AGBL1: variants seen among roughly 807,000 people sequenced by gnomAD.
AGBL1 encodes the protein AGBL carboxypeptidase 1.
AGBL1 carries 130 observed loss-of-function variants against 118.9 expected under a neutral mutation model. The ratio of observed to expected loss-of-function variants is 1.09; its 90% confidence interval spans 0.95 to 1.26. The LOEUF (loss-of-function observed/expected upper bound fraction) is 1.26, where lower values mean the gene tolerates loss of function less well. Among genes scored for constraint, AGBL1 ranks in the 50% most tolerant of loss-of-function variants. The pLI, the probability that AGBL1 is intolerant of heterozygous loss-of-function variation, is 0.00. For missense variants in AGBL1, 1,584 were observed against 1,298.1 expected (o/e 1.22, Z -3.38); for synonymous variants, 555 against 478.9 (o/e 1.16, Z -2.08).
intron 21 of AGBL1, among the ~76,000 whole-genome samples, chr15:86,569,486 TG>T (rs1319915084): frequency 3.9e-5 from 6 of 152,330 alleles, no homozygotes; most frequent in African/African-American, 1.2e-4. Context: ...CCATTTATGT[TG>T]ACACTCTGTC....
chr15:86,096,733 C>A (rs1415475872), intron 1 of AGBL1, among the ~76,000 whole-genome samples: 1 of 152,160 alleles, frequency 6.6e-6, no homozygotes, highest in Non-Finnish European at 1.5e-5. Flanking sequence ...TGCTTCAATT[C>A]TTTCAATATC....
intron 22 of AGBL1, among the ~76,000 whole-genome samples, chr15:86,890,586 C>T (rs1157717284): frequency 1.3e-5 from 2 of 152,060 alleles, no homozygotes; most frequent in Non-Finnish European, 2.9e-5. Context: ...GGAAGAGGTC[C>T]AGTTTCAATT....
intron 1 of AGBL1, among the ~76,000 whole-genome samples, chr15:86,087,258 T>G (rs2141451426): frequency 6.6e-6 from 1 of 152,258 alleles, no homozygotes; most frequent in Non-Finnish European, 1.5e-5. Context: ...AAATAATAAC[T>G]AACATTTCTG....
chr15:86,256,485 T>C lies in AGBL1; in HGVS notation c.736-368T>C, dbSNP rs532944961. ...GTAGGCAATAATTCACAGTGACACA[T>C]GGGTGGCTGAGAAAAGACACCGGCC... On this transcript the variant is annotated intron_variant, in intron 7 of 22. Coordinates refer to ENST00000614907, the MANE Select transcript of AGBL1 (RefSeq NM_001386094.1). 2.0e-5 allele frequency among the ~76,000 whole-genome samples: 3 copies of C among 152,328 alleles called. No homozygotes were observed. The South Asian group carries it at 6.2e-4, about 32-fold the overall frequency.
chr15:86,575,323 A>G (rs2084074611), intron 21 of AGBL1, among the ~76,000 whole-genome samples: 1 of 151,368 alleles, frequency 6.6e-6, no homozygotes, highest in African/African-American at 2.4e-5. Flanking sequence ...ACATAGTGAG[A>G]CCTTGTCTCT....
intron 17 of AGBL1, among the ~76,000 whole-genome samples, chr15:86,342,337 T>C (rs1275843589): frequency 1.3e-5 from 2 of 152,200 alleles, no homozygotes; most frequent in Non-Finnish European, 2.9e-5. Context: ...TTGTACACTG[T>C]GTGAGACCCA....
intron 19 of AGBL1, among the ~76,000 whole-genome samples, chr15:86,542,843 G>A (rs890931287): frequency 1.3e-5 from 2 of 152,040 alleles, no homozygotes; most frequent in Non-Finnish European, 2.9e-5. Context: ...AGCTACTCTA[G>A]CATTCTTTTG....
At chr15:86,899,578 A>T (rs984304693) in intron 22 of AGBL1, among the ~76,000 whole-genome samples, 5 of 152,182 alleles carry the variant, frequency 3.3e-5, no homozygotes, top group African/African-American at 1.2e-4. Context: ...TCAAAATCTT[A>T]AAATTCTTTA....
At chr15:86,844,268 C>A (rs1044026520) in intron 22 of AGBL1, among the ~76,000 whole-genome samples, 2 of 152,112 alleles carry the variant, frequency 1.3e-5, no homozygotes, top group Admixed American at 1.3e-4. Flanking sequence ...TGGTAAGATA[C>A]GTTTCACTTT....
At chr15:86,318,717 T>G (rs938325984) in intron 17 of AGBL1, among the ~76,000 whole-genome samples, 88 of 144,058 alleles carry the variant, frequency 6.1e-4, no homozygotes, top group Non-Finnish European at 9.0e-4. Flanking sequence ...TTTTTTTTTT[T>G]TTTTGGCAGG....
At chr15:87,016,742 G>A (rs1424500976) in intron 24 of AGBL1, among the ~76,000 whole-genome samples, 1 of 152,088 alleles carries the variant, frequency 6.6e-6, no homozygotes, top group Non-Finnish European at 1.5e-5. Flanking sequence ...TAGAGCCAAA[G>A]GAACCACCAC....
chr15:86,105,531 TG>T (rs1897006953), intron 1 of AGBL1, among the ~76,000 whole-genome samples: 1 of 152,232 alleles, frequency 6.6e-6, no homozygotes, highest in Admixed American at 6.5e-5. Context: ...AACCAATTGA[TG>T]TCAATAAATA....
At chr15:86,600,301 G>C (rs1258654184) in intron 21 of AGBL1, among the ~76,000 whole-genome samples, 1 of 152,118 alleles carries the variant, frequency 6.6e-6, no homozygotes, top group Admixed American at 6.6e-5. Flanking sequence ...TCAAATATTA[G>C]ACTTGAGTTT....
At chr15:86,432,479 T>C (rs1291917171) in intron 18 of AGBL1, among the ~76,000 whole-genome samples, 1 of 152,200 alleles carries the variant, frequency 6.6e-6, no homozygotes, top group African/African-American at 2.4e-5. Context: ...GTGTGTATTT[T>C]TGGGAAGAAG....
chr15:86,319,392 T>C (rs2080068552), intron 17 of AGBL1, among the ~76,000 whole-genome samples: 1 of 152,208 alleles, frequency 6.6e-6, no homozygotes, highest in Non-Finnish European at 1.5e-5. Flanking sequence ...TTGGCATTTT[T>C]TTGATAATAA....
intron 22 of AGBL1, among the ~76,000 whole-genome samples, chr15:86,878,137 G>T (rs967138997): frequency 3.9e-5 from 6 of 152,174 alleles, no homozygotes; most frequent in African/African-American, 1.4e-4. Flanking sequence ...TTGCTTTTGT[G>T]TCATGAGACT....
intron 22 of AGBL1, among the ~76,000 whole-genome samples, chr15:86,877,988 T>C (rs1212025974): frequency 6.6e-6 from 1 of 152,150 alleles, no homozygotes; most frequent in Non-Finnish European, 1.5e-5. Context: ...CCACCTCATG[T>C]TGATGTTGAG....
chr15:86,681,436 A>C (rs2085954673), intron 22 of AGBL1, among the ~76,000 whole-genome samples: 1 of 152,082 alleles, frequency 6.6e-6, no homozygotes, highest in Non-Finnish European at 1.5e-5. Flanking sequence ...AACTTTCCAG[A>C]TACCTTTATA....
chr15:86,936,631 T>C (rs1016733973), intron 23 of AGBL1, among the ~76,000 whole-genome samples: 1 of 152,178 alleles, frequency 6.6e-6, no homozygotes, highest in African/African-American at 2.4e-5. Flanking sequence ...CTCTTCCTTA[T>C]ACCATAAACA....
Sources: allele counts gnomAD v4.1 joint callset (sites outside exome capture counted in the v4.1 genomes callset), GRCh38; gene constraint gnomAD v4.1.1; transcripts MANE v1.5; gene names NCBI Gene and HGNC (gene_info 2026-07-23, HGNC 2026-07-21).